Variants in MTHFD2L observed in about 807,000 individuals in gnomAD.
The protein encoded by MTHFD2L is bifunctional methylenetetrahydrofolate dehydrogenase/cyclohydrolase 2, mitochondrial.
Under a neutral mutation model 34.9 loss-of-function variants are expected in MTHFD2L, and 29 were observed. The ratio of observed to expected loss-of-function variants is 0.83; its 90% CI spans 0.62 to 1.13. The LOEUF (loss-of-function observed/expected upper bound fraction) is 1.13. MTHFD2L is among the 50% of genes most tolerant of loss of function. MTHFD2L has a pLI of 0.00. For missense variants in MTHFD2L, 481 were observed against 446.5 expected, an observed-to-expected ratio of 1.08 and a Z score of -0.70; for synonymous variants, 167 against 155.7, an observed-to-expected ratio of 1.07 and a Z score of -0.54.
intron 1 of MTHFD2L, among the ~76,000 whole-genome samples, chr4:74,148,496 T>A (rs1723744419): frequency 6.6e-6 from 1 of 151,948 alleles, no homozygotes. Flanking sequence ...CAAGTGATTC[T>A]CCTGTCTCAG....
intron 1 of MTHFD2L, among the ~76,000 whole-genome samples, chr4:74,136,241 A>G (rs997661823): frequency 2.6e-5 from 4 of 152,050 alleles, no homozygotes; most frequent in African/African-American, 9.7e-5. Context: ...GACTCTACCA[A>G]AAAAAACTGT....
intron 6 of MTHFD2L, among the ~76,000 whole-genome samples, chr4:74,253,520 A>C (rs1176624654): frequency 6.6e-6 from 1 of 152,180 alleles, no homozygotes; most frequent in Non-Finnish European, 1.5e-5. Flanking sequence ...CACCTTCCTC[A>C]AGCCTCCTGC....
At chr4:74,159,335 C>T (rs1024557172) in intron 1 of MTHFD2L, among the ~76,000 whole-genome samples, 1 of 152,110 alleles carries the variant, frequency 6.6e-6, no homozygotes, top group Admixed American at 6.5e-5. Flanking sequence ...TAAGAATGTT[C>T]CACTTAGTTT....
At chr4:74,137,812 G>A (rs1253080735) in intron 1 of MTHFD2L, among the ~76,000 whole-genome samples, 1 of 152,020 alleles carries the variant, frequency 6.6e-6, no homozygotes, top group Non-Finnish European at 1.5e-5. Context: ...CAGCAACATG[G>A]ATGGAACTTG....
intron 6 of MTHFD2L, among the ~76,000 whole-genome samples, chr4:74,274,091 A>T (rs756503752): frequency 1.3e-5 from 2 of 151,896 alleles, no homozygotes; most frequent in Non-Finnish European, 2.9e-5. Flanking sequence ...ACCTCAAGTG[A>T]TACACCTCCT....
At chr4:74,152,281 T>TA (rs919104012) in intron 1 of MTHFD2L, among the ~76,000 whole-genome samples, 1 of 152,092 alleles carries the variant, frequency 6.6e-6, no homozygotes, top group Non-Finnish European at 1.5e-5. Flanking sequence ...TTTGAGGGCA[T>TA]AAAAAAACTC....
chr4:74,186,939 G>A (rs1051574789), intron 3 of MTHFD2L, among the ~76,000 whole-genome samples: 33 of 152,122 alleles, frequency 2.2e-4, no homozygotes, highest in African/African-American at 7.0e-4. Context: ...AAGCAATGTA[G>A]TATTGGAATC....
At chr4:74,164,150 A>G (rs1010966865) in intron 1 of MTHFD2L, among the ~76,000 whole-genome samples, 5 of 152,234 alleles carry the variant, frequency 3.3e-5, no homozygotes, top group Non-Finnish European at 5.9e-5. Flanking sequence ...TGCTGGGATT[A>G]CAGGCGTGAG....
At chr4:74,119,708 G>C (rs887804508), upstream of MTHFD2L, among the ~76,000 whole-genome samples, 1 of 151,968 alleles carries the variant, frequency 6.6e-6, no homozygotes, top group African/African-American at 2.4e-5. Context: ...GCGTGAACCT[G>C]AGAGGCAGAG....
chr4:74,190,426 C>A, intron 3 of MTHFD2L: 1 of 956,506 alleles, frequency 1.0e-6, no homozygotes, highest in Non-Finnish European at 1.2e-6. Context: ...ATGAAGTAAG[C>A]CTGCCTGAGG....
intron 6 of MTHFD2L, among the ~76,000 whole-genome samples, chr4:74,235,862 G>A (rs971894565): frequency 8.6e-5 from 13 of 151,840 alleles, no homozygotes; most frequent in African/African-American, 2.4e-4. Context: ...GACCTTTATC[G>A]GCTTGAAAGC....
intron 1 of MTHFD2L, among the ~76,000 whole-genome samples, chr4:74,164,571 A>G (rs1368210310): frequency 1.3e-5 from 2 of 152,262 alleles, no homozygotes; most frequent in Non-Finnish European, 2.9e-5. Flanking sequence ...ACTAAGAGAA[A>G]GAGCCACTTT....
intron 6 of MTHFD2L, among the ~76,000 whole-genome samples, chr4:74,240,093 A>G (rs1741477008): frequency 6.6e-6 from 1 of 152,198 alleles, no homozygotes. Context: ...CTTGAATAAA[A>G]AAACATTTGA....
At chr4:74,171,507 A>G (rs1194140659) in intron 1 of MTHFD2L, among the ~76,000 whole-genome samples, 3 of 152,200 alleles carry the variant, frequency 2.0e-5, no homozygotes, top group Non-Finnish European at 4.4e-5. Context: ...TATTTGCTCA[A>G]AAGAAATTAA....
chr4:74,285,343 A>T (rs989134849), intron 7 of MTHFD2L, among the ~76,000 whole-genome samples: 6 of 152,030 alleles, frequency 3.9e-5, no homozygotes, highest in Admixed American at 6.6e-5. Context: ...AGTATAATTT[A>T]AAAAAAGACT....
chr4:74,174,385 A>C, intron 1 of MTHFD2L, 121 bp from the exon 2 acceptor site: 1 of 738,376 alleles, frequency 1.4e-6, no homozygotes, highest in Non-Finnish European at 1.9e-6. Flanking sequence ...ATAATTGAAA[A>C]AAAAATCAAA....
chr4:74,268,362 T>A, intron 6 of MTHFD2L: 1 of 576,442 alleles, frequency 1.7e-6, no homozygotes, highest in Non-Finnish European at 2.2e-6. Context: ...GCTGAAGAAG[T>A]GATCCACCTG....
At chr4:74,155,742 A>G (rs1187368764), upstream of MTHFD2L, among the ~76,000 whole-genome samples, 2 of 152,084 alleles carry the variant, frequency 1.3e-5, no homozygotes, top group Non-Finnish European at 2.9e-5. Context: ...ATAAAATATG[A>G]GGTAGCATGG....
intron 6 of MTHFD2L, among the ~76,000 whole-genome samples, chr4:74,232,337 G>A (rs989018967): frequency 6.6e-6 from 1 of 152,012 alleles, no homozygotes; most frequent in African/African-American, 2.4e-5. Context: ...CCCTCCTTTG[G>A]AACAACCTGA....
Sources: gnomAD v4.1 joint callset for allele counts (sites outside exome capture counted in the v4.1 genomes callset) on GRCh38, gnomAD v4.1.1 for gene constraint, MANE v1.5 for transcripts, NCBI Gene and HGNC (gene_info 2026-07-23, HGNC 2026-07-21) for gene names.